KCNT2: variants seen among roughly 807,000 people sequenced by gnomAD.
KCNT2 encodes the protein potassium sodium-activated channel subfamily T member 2, also known as potassium channel subfamily T member 2.
In KCNT2, 67 loss-of-function variants were observed where a neutral mutation model predicts 153.8. The ratio of observed to expected loss-of-function variants is 0.44; its 90% CI spans 0.36 to 0.53. The LOEUF is 0.53. Ranked by LOEUF, KCNT2 falls within the 20% of genes least tolerant of loss-of-function variation. The pLI, the probability that KCNT2 is intolerant of heterozygous loss-of-function variation, is 0.00. For missense variants in KCNT2, 975 were observed against 1,354.8 expected (o/e 0.72, Z 4.40); for synonymous variants, 500 against 458.8 (o/e 1.09, Z -1.15).
At chr1:196,470,202 C>T (rs563971079) in intron 5 of KCNT2, among the ~76,000 whole-genome samples, 1 of 152,316 alleles carries the variant, frequency 6.6e-6, no homozygotes, top group South Asian at 2.1e-4. Flanking sequence ...TGGTGCATCT[C>T]ATCACCTCAA....
chr1:196,282,398 T>A (rs1659196485), intron 23 of KCNT2, 42 bp from the exon 24 acceptor site: 1 of 961,074 alleles, frequency 1.0e-6, no homozygotes, highest in Non-Finnish European at 1.7e-6. Flanking sequence ...TGTATATTTA[T>A]ATATAATGTG....
intron 1 of KCNT2, among the ~76,000 whole-genome samples, chr1:196,607,516 T>G (rs1386897232): frequency 2.6e-5 from 4 of 151,774 alleles, no homozygotes; most frequent in African/African-American, 9.6e-5. Context: ...TTGAGACATA[T>G]ATTCTGTTTC....
intron 23 of KCNT2, among the ~76,000 whole-genome samples, chr1:196,285,278 G>C (rs1001638958): frequency 6.6e-6 from 1 of 151,924 alleles, no homozygotes; most frequent in Non-Finnish European, 1.5e-5. Context: ...TTTCAAACCT[G>C]GAAAAAATGT....
chr1:196,258,058 T>G (rs1656670499), intron 26 of KCNT2, 136 bp downstream of exon 26: 17 of 1,439,246 alleles, frequency 1.2e-5, no homozygotes, highest in Non-Finnish European at 1.4e-5. Context: ...CTGTAGGAGA[T>G]CAGATGTATC....
chr1:196,332,125 T>C (rs1664524323), intron 17 of KCNT2, among the ~76,000 whole-genome samples: 1 of 152,154 alleles, frequency 6.6e-6, no homozygotes, highest in Admixed American at 6.6e-5. Flanking sequence ...TTAAAACTAT[T>C]TTATCTTAAA....
At chr1:196,491,861 G>A (rs1233845357) in intron 2 of KCNT2, among the ~76,000 whole-genome samples, 1 of 151,922 alleles carries the variant, frequency 6.6e-6, no homozygotes, top group Admixed American at 6.6e-5. Flanking sequence ...AATATTAAAC[G>A]TTCCCTTCCC....
At chr1:196,341,950 A>G in intron 15 of KCNT2, 129 bp downstream of exon 15, 1 of 810,832 alleles carries the variant, frequency 1.2e-6, no homozygotes, top group Non-Finnish European at 1.9e-6. Context: ...AACATTGGGG[A>G]ATATTGTGAC....
chr1:196,514,073 T>C (rs1681859111), intron 1 of KCNT2, among the ~76,000 whole-genome samples: 1 of 152,198 alleles, frequency 6.6e-6, no homozygotes, highest in South Asian at 2.1e-4. Context: ...GCATGTTTCT[T>C]GCTATGTGTC....
intron 1 of KCNT2, among the ~76,000 whole-genome samples, chr1:196,599,089 A>C (rs183790550): frequency 2.6e-5 from 4 of 152,182 alleles, no homozygotes; most frequent in East Asian, 1.9e-4. Flanking sequence ...CATTACCATC[A>C]CTCCTTAATG....
At chr1:196,517,842 A>C (rs191605336) in intron 1 of KCNT2, among the ~76,000 whole-genome samples, 1 of 152,222 alleles carries the variant, frequency 6.6e-6, no homozygotes, top group African/African-American at 2.4e-5. Flanking sequence ...TGGAAAACAT[A>C]TTTCAGGATA....
At chr1:196,526,444 T>C (rs1373610975) in intron 1 of KCNT2, among the ~76,000 whole-genome samples, 1 of 151,550 alleles carries the variant, frequency 6.6e-6, no homozygotes, top group African/African-American at 2.4e-5. Context: ...AACCTTACCA[T>C]GTAGGTTTTT....
At chr1:196,485,822 T>A (rs969151190) in intron 3 of KCNT2, among the ~76,000 whole-genome samples, 2 of 151,886 alleles carry the variant, frequency 1.3e-5, no homozygotes, top group South Asian at 4.1e-4. Context: ...AAAAAAAGAA[T>A]GTGGGATCTA....
chr1:196,282,004 C>T (rs961642300), intron 24 of KCNT2, among the ~76,000 whole-genome samples: 2 of 152,038 alleles, frequency 1.3e-5, no homozygotes, highest in African/African-American at 2.4e-5. Context: ...CCGCCTCAGC[C>T]TCCCAAAGTG....
At chr1:196,318,047 C>T (rs2148030050) in intron 20 of KCNT2, among the ~76,000 whole-genome samples, 1 of 151,060 alleles carries the variant, frequency 6.6e-6, no homozygotes, top group East Asian at 2.0e-4. Context: ...TCCTCTCCAT[C>T]ATAATTTCTG....
intron 1 of KCNT2, among the ~76,000 whole-genome samples, chr1:196,595,738 T>C (rs903973622): frequency 9.9e-5 from 15 of 152,190 alleles, no homozygotes; most frequent in Admixed American, 2.6e-4. Flanking sequence ...TTTTTGGTTA[T>C]GTGGATAAGT....
chr1:196,353,274 T>C (rs1572143967), intron 14 of KCNT2, among the ~76,000 whole-genome samples: 1 of 151,988 alleles, frequency 6.6e-6, no homozygotes, highest in Non-Finnish European at 1.5e-5. Flanking sequence ...CTATTTTCCA[T>C]GAGTAATAAG....
intron 14 of KCNT2, chr1:196,342,946 T>TG (rs1665809314): frequency 6.6e-6 from 1 of 152,052 alleles, no homozygotes; most frequent in South Asian, 2.1e-4. Context: ...GTTATGAGAG[T>TG]GGAGCCCTCA....
chr1:196,290,992 G>T (rs1377200527), intron 22 of KCNT2, among the ~76,000 whole-genome samples: 1 of 151,998 alleles, frequency 6.6e-6, no homozygotes, highest in Non-Finnish European at 1.5e-5. Flanking sequence ...GCATTCTAAG[G>T]TCTAGCTCCC....
chr1:196,249,424 G>C (rs1025973832), intron 26 of KCNT2, among the ~76,000 whole-genome samples: 3 of 152,124 alleles, frequency 2.0e-5, no homozygotes, highest in Non-Finnish European at 4.4e-5. Flanking sequence ...TTTGAACCAA[G>C]AGTATTAGAA....
Sources: gnomAD v4.1 joint callset for allele counts (sites outside exome capture counted in the v4.1 genomes callset) on GRCh38, gnomAD v4.1.1 for gene constraint, MANE v1.5 for transcripts, NCBI Gene and HGNC (gene_info 2026-07-23, HGNC 2026-07-21) for gene names.